Variants in KAZN observed in about 807,000 individuals in gnomAD.
KAZN encodes the protein kazrin, periplakin interacting protein.
A neutral mutation model predicts 87.4 loss-of-function variants in KAZN; 40 were observed. The ratio of observed to expected loss-of-function variants is 0.46; its 90% confidence interval spans 0.36 to 0.60. The LOEUF is 0.60. KAZN is among the 20% of genes least tolerant of loss of function. KAZN has a pLI of 0.00. For missense variants in KAZN, 898 were observed against 1,073.9 expected (o/e 0.84, Z 2.29); for synonymous variants, 466 against 458.3 (o/e 1.02, Z -0.22).
At chr1:15,057,151 G>A (rs1004733064) in intron 5 of KAZN, among the ~76,000 whole-genome samples, 2 of 152,172 alleles carry the variant, frequency 1.3e-5, no homozygotes, top group African/African-American at 4.8e-5. Context: ...GGGTACAGAT[G>A]GGGGAGTGTA....
intron 2 of KAZN, among the ~76,000 whole-genome samples, chr1:14,373,709 C>CA (rs1660686848): frequency 6.6e-6 from 1 of 152,196 alleles, no homozygotes; most frequent in Non-Finnish European, 1.5e-5. Context: ...ATGCATTCCA[C>CA]AGAGTCCTAG....
chr1:14,254,641 ATAG>A (rs1382623074), intron 2 of KAZN, among the ~76,000 whole-genome samples: 1 of 152,202 alleles, frequency 6.6e-6, no homozygotes, highest in African/African-American at 2.4e-5. Context: ...ACCAGATAAA[ATAG>A]TAGGGGACTT....
chr1:15,048,741 A>G (rs564454446), intron 4 of KAZN, among the ~76,000 whole-genome samples: 7,169 of 97,062 alleles, frequency 0.074, 461 homozygotes, highest in African/African-American at 0.13. Context: ...TGGGTCGTCG[A>G]TCCTGGGTCG....
intron 1 of KAZN, among the ~76,000 whole-genome samples, chr1:14,131,962 A>G (rs372335217): frequency 6.6e-6 from 1 of 152,110 alleles, no homozygotes; most frequent in South Asian, 2.1e-4. Flanking sequence ...TCAATTCCCA[A>G]TGACTTCATT....
At chr1:13,915,473 G>A (rs1251333606) in intron 1 of KAZN, among the ~76,000 whole-genome samples, 1 of 152,150 alleles carries the variant, frequency 6.6e-6, no homozygotes, top group African/African-American at 2.4e-5. Context: ...GGGCACTTTG[G>A]GGCCCATGAA....
chr1:14,569,632 C>CT (rs1674743190), intron 2 of KAZN, among the ~76,000 whole-genome samples: 1 of 151,872 alleles, frequency 6.6e-6, no homozygotes, highest in African/African-American at 2.4e-5. Flanking sequence ...ACCTCCTCTA[C>CT]TTTTTTAATG....
chr1:14,910,022 G>C (rs1657068251), intron 1 of KAZN, among the ~76,000 whole-genome samples: 1 of 151,994 alleles, frequency 6.6e-6, no homozygotes, highest in African/African-American at 2.4e-5. Context: ...TGCACTTCCT[G>C]CTTGGGCGAC....
chr1:14,658,395 C>G (rs1407251649), intron 1 of KAZN, among the ~76,000 whole-genome samples: 1 of 152,170 alleles, frequency 6.6e-6, no homozygotes, highest in East Asian at 1.9e-4. Context: ...GTTTCACCAA[C>G]TCTGAGCCTC....
In KAZN at chr1:14,660,541, CTTTTTTTTT is replaced by C. The variant is rs1156503750; in HGVS notation, c.226+61334_226+61342del. On this transcript the variant is annotated intron_variant, in intron 1 of 14. Coordinates refer to ENST00000376030, the MANE Select transcript of KAZN (RefSeq NM_201628.3). Reference sequence around the variant, plus strand: ...TCTCTCCAAGTTTCTCTCTCTCTCTCTTTTTTTTTTTTTTTTTTTTTTTTGGCTTCACTG... The same window carrying C: ...TCTCTCCAAGTTTCTCTCTCTCTCTCTTTTTTTTTTTTTTTGGCTTCACTG... Among the ~76,000 whole-genome samples the C allele has an allele frequency of 6.0e-3, 458 of 76,068 alleles. 1 individual carries two copies. The highest frequency in any genetic ancestry group is 0.023 in the African/African-American group (428 of 18,710). The allele number at this position is 76,068 out of a possible 152,430, so 49.9% of individuals were successfully genotyped here. A position where few individuals can be genotyped will look rare whatever the true frequency, so the allele number is the denominator to read the frequency against.
intron 1 of KAZN, among the ~76,000 whole-genome samples, chr1:13,938,090 A>C (rs182993784): frequency 6.6e-6 from 1 of 152,296 alleles, no homozygotes; most frequent in East Asian, 1.9e-4. Context: ...ATTTAATAGA[A>C]ATCGCATTGA....
At chr1:14,090,538 C>G (rs149087726) in intron 1 of KAZN, among the ~76,000 whole-genome samples, 19 of 152,080 alleles carry the variant, frequency 1.2e-4, no homozygotes, top group African/African-American at 4.6e-4. Context: ...TTTGACATAT[C>G]GAGGCTATTT....
intron 1 of KAZN, among the ~76,000 whole-genome samples, chr1:14,707,387 G>A (rs1642264883): frequency 6.6e-6 from 1 of 152,222 alleles, no homozygotes; most frequent in Non-Finnish European, 1.5e-5. Flanking sequence ...AATAACCAGA[G>A]ATGTAGTATC....
intron 2 of KAZN, among the ~76,000 whole-genome samples, chr1:14,218,677 T>C (rs946202975): frequency 7.9e-5 from 12 of 152,088 alleles, no homozygotes; most frequent in African/African-American, 2.9e-4. Flanking sequence ...GGATAGAAAA[T>C]AATTTGTCAT....
intron 1 of KAZN, among the ~76,000 whole-genome samples, chr1:14,827,871 A>C (rs1646942983): frequency 6.6e-6 from 1 of 152,228 alleles, no homozygotes; most frequent in African/African-American, 2.4e-5. Context: ...GGGGTTTCAC[A>C]TGTTGTCATA....
intron 2 of KAZN, among the ~76,000 whole-genome samples, chr1:14,507,667 G>A (rs1444004448): frequency 1.3e-5 from 2 of 152,096 alleles, no homozygotes; most frequent in Non-Finnish European, 2.9e-5. Context: ...AATTGAAACC[G>A]TATTTCTTTT....
At chr1:14,826,913 G>C (rs1048958228) in intron 1 of KAZN, among the ~76,000 whole-genome samples, 1 of 152,224 alleles carries the variant, frequency 6.6e-6, no homozygotes, top group Non-Finnish European at 1.5e-5. Flanking sequence ...ATGGGGTTCA[G>C]ATCCTGGCTC....
chr1:14,443,435 C>G (rs1337569126), intron 2 of KAZN, among the ~76,000 whole-genome samples: 6 of 152,190 alleles, frequency 3.9e-5, no homozygotes, highest in Non-Finnish European at 7.3e-5. Context: ...GAGCTTTGCT[C>G]CAGTAATGAA....
At chr1:14,483,866 T>A (rs916028701) in intron 2 of KAZN, among the ~76,000 whole-genome samples, 4 of 152,190 alleles carry the variant, frequency 2.6e-5, no homozygotes, top group Non-Finnish European at 4.4e-5. Context: ...CATTGCCCTA[T>A]GTTTTCTTCC....
chr1:14,771,900 C>T (rs999742380), intron 1 of KAZN, among the ~76,000 whole-genome samples: 18 of 152,138 alleles, frequency 1.2e-4, no homozygotes, highest in African/African-American at 3.9e-4. Context: ...AAAGAATGTT[C>T]CAAGGAGAGA....
Sources: allele counts gnomAD v4.1 joint callset (sites outside exome capture counted in the v4.1 genomes callset), GRCh38; gene constraint gnomAD v4.1.1; transcripts MANE v1.5; gene names NCBI Gene and HGNC (gene_info 2026-07-23, HGNC 2026-07-21).